Variants in MGST1 observed in about 807,000 individuals in gnomAD.
MGST1 encodes microsomal glutathione S-transferase 1.
Under a neutral mutation model 8.9 loss-of-function variants are expected in MGST1, and 5 were observed. The observed-to-expected ratio is 0.56, with a 90% CI of 0.29 to 1.19. The LOEUF (loss-of-function observed/expected upper bound fraction) is 1.19, where lower values mean the gene tolerates loss of function less well. Among genes scored for constraint, MGST1 ranks in the 50% most tolerant of loss-of-function variants. The pLI is 0.08. For synonymous variants in MGST1, 54 were observed against 67.8 expected (o/e 0.80, Z 1.00); for missense variants, 182 against 187.4 (o/e 0.97, Z 0.17).
intron 4 of MGST1, among the ~76,000 whole-genome samples, chr12:16,527,050 C>T (rs1470487354): frequency 6.6e-6 from 1 of 151,924 alleles, no homozygotes; most frequent in African/African-American, 2.4e-5. Flanking sequence ...CCACTTAGCT[C>T]TAGGTTACAG....
At chr12:16,557,224 C>CTACT in intron 4 of MGST1, among the ~76,000 whole-genome samples, 1 of 151,906 alleles carries the variant, frequency 6.6e-6, no homozygotes. Context: ...ATAGGTAACC[C>CTACT]TACTTAATAG....
chr12:16,502,342 C>T (rs1410112013), intron 4 of MGST1, among the ~76,000 whole-genome samples: 2 of 152,122 alleles, frequency 1.3e-5, no homozygotes, highest in African/African-American at 2.4e-5. Flanking sequence ...AAGTTAACTC[C>T]CCAAGTCCCT....
At chr12:16,549,029 TAAAC>T (rs1463690748) in intron 4 of MGST1, 1 of 152,120 alleles carries the variant, frequency 6.6e-6, no homozygotes, top group East Asian at 1.9e-4. Flanking sequence ...GACATATAGA[TAAAC>T]AAAAGCAAAA....
intron 4 of MGST1, among the ~76,000 whole-genome samples, chr12:16,522,790 G>C (rs138721127): frequency 6.6e-6 from 1 of 152,050 alleles, no homozygotes; most frequent in African/African-American, 2.4e-5. Flanking sequence ...AGTTTTGTAA[G>C]TGTGCTGATG....
At chr12:16,449,197 T>C (rs1160874478) in intron 4 of MGST1, among the ~76,000 whole-genome samples, 2 of 151,914 alleles carry the variant, frequency 1.3e-5, no homozygotes, top group Non-Finnish European at 2.9e-5. Context: ...TTGTCAGTAT[T>C]TGCTTCTCGT....
In MGST1 at chr12:16,589,156, G is replaced by A. The variant is rs375280220; in HGVS notation, n.483-372G>A. Among the ~76,000 whole-genome samples the A allele has an allele frequency of 6.3e-4, 96 of 152,186 alleles. No individual in the cohort carries two copies. The highest frequency in any genetic ancestry group is 2.3e-3 in the African/African-American group (94 of 41,534). ...ATTAGATGTAACCTCACCCAGTTTG[G>A]AAGATTTTAGGGAAGTGACAAGAAC... On this transcript the variant is annotated intron_variant and non_coding_transcript_variant, in intron 4 of 4. Transcript: ENST00000538857. The surrounding 1 kb of genome is among the most constrained non-coding windows in gnomAD (Gnocchi z 4.2).
intron 1 of MGST1, among the ~76,000 whole-genome samples, chr12:16,434,534 CTT>C (rs1940966990): frequency 6.6e-6 from 1 of 151,850 alleles, no homozygotes; most frequent in African/African-American, 2.4e-5. Context: ...GAGAGAGACT[CTT>C]AGGAAATTAT....
intron 1 of MGST1, among the ~76,000 whole-genome samples, chr12:16,412,632 GT>G (rs1940752016): frequency 1.3e-5 from 2 of 152,108 alleles, no homozygotes; most frequent in African/African-American, 4.8e-5. Context: ...ATGCGGATGA[GT>G]TTTTTCCATG....
Position 16,513,608 on chromosome 12 carries a change from A to T in MGST1, n.483-75920A>T. ...AGTGCCTACAGGGACCACAACGGAA[A>T]GCCTTACAGCATCCACAAGGCAGAG... On this transcript the variant is annotated intron_variant and non_coding_transcript_variant, in intron 4 of 4. Coordinates refer to the MGST1 transcript ENST00000538857. This position sits in a 1 kb window ranked among gnomAD's most constrained non-coding sequence, Gnocchi z 4.2. 2.0e-6 allele frequency: 1 copy of T among 494,174 alleles called. No individual in the cohort carries two copies. The highest frequency in any genetic ancestry group is 4.1e-6 in the Non-Finnish European group (1 of 242,590). 30.6% of individuals were successfully genotyped at this position (494,174 alleles called of 1,614,324 possible).
At chr12:16,412,649 C>A (rs1315565184) in intron 1 of MGST1, among the ~76,000 whole-genome samples, 3 of 152,048 alleles carry the variant, frequency 2.0e-5, no homozygotes, top group Non-Finnish European at 4.4e-5. Flanking sequence ...CCATGCTGTT[C>A]TCATGGTAGT....
In MGST1 at chr12:16,586,832, C is replaced by T. The variant is rs1329484023; in HGVS notation, n.483-2696C>T. On this transcript the variant is annotated intron_variant and non_coding_transcript_variant, in intron 4 of 4. Transcript: ENST00000538857. The surrounding 1 kb of genome is among the most constrained non-coding windows in gnomAD (Gnocchi z 4.3). The stretch of plus-strand genomic sequence containing the variant: ...GAACATGTAAGCCATACACAGTTGG[C>T]ATCAAATATTACTGGATGACAGATT... 6.6e-6 allele frequency among the ~76,000 whole-genome samples: 1 copy of T among 152,158 alleles called. No individual in the cohort carries two copies. Among genetic ancestry groups the T allele is most frequent in the East Asian group, 1.9e-4 (1 of 5,196 alleles).
At chr12:16,367,097 T>G (rs1199871204), downstream of MGST1, among the ~76,000 whole-genome samples, 1 of 152,220 alleles carries the variant, frequency 6.6e-6, no homozygotes, top group East Asian at 1.9e-4. Context: ...TACATTGAAT[T>G]AGAACAATTT....
rs11056900 is a variant in MGST1 at position 16,352,080 on chromosome 12, G to C, written c.-22-2151G>C. ...AGTGTAGTAACCGTATGGGGTGTTC[G>C]TGTCCCAGCTTGGCAGCTTAACAAC... On this transcript the variant is annotated intron_variant, in intron 1 of 3. Coordinates refer to ENST00000396210, the MANE Select transcript of MGST1 (RefSeq NM_020300.5). 2.3e-3 allele frequency among the ~76,000 whole-genome samples: 351 copies of C among 152,276 alleles called. 5 individuals carry two copies. In the East Asian group the frequency reaches 0.049, roughly 21 times the overall value.
intron 4 of MGST1, among the ~76,000 whole-genome samples, chr12:16,581,241 T>A (rs186279185): frequency 6.6e-6 from 1 of 152,178 alleles, no homozygotes; most frequent in African/African-American, 2.4e-5. Flanking sequence ...GTACAGCTCA[T>A]AAGGATGGGT....
At position 16,362,580 on chromosome 12, in the gene MGST1, C is replaced by T. The variant is rs985175255; in HGVS notation, c.222-1215C>T. 1.3e-5 allele frequency: 2 copies of T among 152,150 alleles called. No homozygotes were observed. The highest frequency in any genetic ancestry group is 4.8e-5 in the African/African-American group (2 of 41,432). 9.4% of individuals were successfully genotyped at this position (152,150 alleles called of 1,614,324 possible). On this transcript the variant is annotated intron_variant, in intron 3 of 3. Coordinates refer to ENST00000396210, the MANE Select transcript of MGST1 (RefSeq NM_020300.5). This position sits in a 1 kb window ranked among gnomAD's most constrained non-coding sequence, Gnocchi z 4.4. ...ATAGCTGACAAACTATCAAATTCTC[C>T]ATTTCTAGCCTAGATTCTAAAGCAA... is the stretch of plus-strand genomic sequence containing the variant.
chr12:16,536,835 C>A (rs1941759366), intron 4 of MGST1, among the ~76,000 whole-genome samples: 1 of 152,120 alleles, frequency 6.6e-6, no homozygotes, highest in South Asian at 2.1e-4. Context: ...TGGGTCCCTC[C>A]CACAACATGT....
chr12:16,454,916 G>T (rs974864552), intron 4 of MGST1, among the ~76,000 whole-genome samples: 1 of 146,188 alleles, frequency 6.8e-6, no homozygotes, highest in African/African-American at 2.6e-5. Flanking sequence ...GAGATGGGAA[G>T]ATTTGAGGAG....
downstream of MGST1, among the ~76,000 whole-genome samples, chr12:16,368,634 G>A (rs138981177): frequency 7.9e-4 from 120 of 152,216 alleles, no homozygotes; most frequent in African/African-American, 2.6e-3. Context: ...GGGAAGGGCC[G>A]TGTTGGGTTG....
At chr12:16,565,095 T>G (rs2137375884) in intron 4 of MGST1, among the ~76,000 whole-genome samples, 1 of 152,266 alleles carries the variant, frequency 6.6e-6, no homozygotes, top group Non-Finnish European at 1.5e-5. Flanking sequence ...GGTCTAGTAT[T>G]TGTTAAAATA....
Sources: allele counts gnomAD v4.1 joint callset (sites outside exome capture counted in the v4.1 genomes callset), GRCh38; gene constraint gnomAD v4.1.1; non-coding constraint Gnocchi (gnomAD v3.1); transcripts MANE v1.5; gene names NCBI Gene and HGNC (gene_info 2026-07-23, HGNC 2026-07-21).